Variants in DPP6 observed in about 807,000 individuals in gnomAD.
DPP6 encodes the protein A-type potassium channel modulatory protein DPP6.
In DPP6, 69 loss-of-function variants were observed where a neutral mutation model predicts 122.6. The ratio of observed to expected loss-of-function variants is 0.56; its 90% confidence interval spans 0.46 to 0.69. The LOEUF (loss-of-function observed/expected upper bound fraction) is 0.69, where lower values mean the gene tolerates loss of function less well. DPP6 is among the 30% of genes least tolerant of loss of function. DPP6 has a pLI of 0.00. For missense variants in DPP6, 928 were observed against 1,116.9 expected (o/e 0.83, Z 2.41); for synonymous variants, 418 against 433.1 (o/e 0.97, Z 0.43).
chr7:154,065,686 A>G (rs1802661478), intron 1 of DPP6, among the ~76,000 whole-genome samples: 1 of 152,018 alleles, frequency 6.6e-6, no homozygotes, highest in Non-Finnish European at 1.5e-5. Flanking sequence ...AATGGTATAA[A>G]TACACCTGCC....
chr7:153,937,044 C>T (rs1274826758), intron 1 of DPP6, among the ~76,000 whole-genome samples: 2 of 152,078 alleles, frequency 1.3e-5, no homozygotes, highest in Non-Finnish European at 2.9e-5. Flanking sequence ...CAGGTGTGGT[C>T]GCTGGTGGAC....
the DPP6 span, among the ~76,000 whole-genome samples, chr7:153,803,575 G>C: frequency 5.9e-5 from 9 of 151,740 alleles, no homozygotes; most frequent in African/African-American, 1.7e-4. Flanking sequence ...TATATCACTG[G>C]CTTTCCTGCC....
intron 16 of DPP6, among the ~76,000 whole-genome samples, chr7:154,807,604 C>G (rs995769813): frequency 6.6e-6 from 1 of 152,152 alleles, no homozygotes; most frequent in African/African-American, 2.4e-5. Flanking sequence ...GCAGATTCAC[C>G]TGAGGTCAGG....
In DPP6 at chr7:154,421,063, C is replaced by G. The variant is rs148287115; in HGVS notation, c.244-25151C>G. Reference sequence around the variant, plus strand: ...CTCTGGAACTAAGCATACCAGGATTCGAAGTCTGAGTCTCCCAATTACTAA... The same window carrying G: ...CTCTGGAACTAAGCATACCAGGATTGGAAGTCTGAGTCTCCCAATTACTAA... On this transcript the variant is annotated intron_variant, in intron 1 of 25. Transcript: ENST00000377770. Among the ~76,000 whole-genome samples the G allele has an allele frequency of 3.3e-3, 505 of 152,286 alleles. 12 individuals carry two copies. The highest frequency in any genetic ancestry group is 0.025 in the Admixed American group (388 of 15,304).
chr7:154,379,227 A>G (rs938475763), intron 1 of DPP6, among the ~76,000 whole-genome samples: 2 of 152,170 alleles, frequency 1.3e-5, no homozygotes, highest in African/African-American at 2.4e-5. Flanking sequence ...CTAGAGTTCT[A>G]TTGCAGAACT....
chr7:154,758,305 G>A (rs1049938567), intron 8 of DPP6, among the ~76,000 whole-genome samples: 3 of 152,102 alleles, frequency 2.0e-5, no homozygotes, highest in Non-Finnish European at 4.4e-5. Flanking sequence ...CTGGTTCTGT[G>A]TAGGACCACA....
At chr7:154,852,765 T>C (rs1156423580) in intron 16 of DPP6, among the ~76,000 whole-genome samples, 1 of 152,116 alleles carries the variant, frequency 6.6e-6, no homozygotes, top group East Asian at 1.9e-4. Context: ...CCCAATAGCG[T>C]AGTGTGTGGT....
intron 1 of DPP6, among the ~76,000 whole-genome samples, chr7:154,364,554 G>C (rs1227331297): frequency 6.6e-6 from 1 of 152,190 alleles, no homozygotes; most frequent in African/African-American, 2.4e-5. Context: ...GCGGTGGGGT[G>C]GGGGGTTGCA....
intron 1 of DPP6, among the ~76,000 whole-genome samples, chr7:154,223,380 C>A (rs1384883841): frequency 1.3e-5 from 2 of 149,198 alleles, no homozygotes; most frequent in Non-Finnish European, 2.9e-5. Context: ...TGATGATGGG[C>A]AAATATAGAA....
At chr7:153,787,087 G>A in the DPP6 span, among the ~76,000 whole-genome samples, 2 of 143,652 alleles carry the variant, frequency 1.4e-5, no homozygotes, top group Non-Finnish European at 3.1e-5. Context: ...AAGTAGCTGG[G>A]ACTACAGGTG....
chr7:153,827,757 C>T, the DPP6 span, among the ~76,000 whole-genome samples: 5 of 152,120 alleles, frequency 3.3e-5, no homozygotes, highest in African/African-American at 1.2e-4. Flanking sequence ...CAAACTCCCA[C>T]CAGGATGGCA....
chr7:153,864,669 TAATACACACAC>T, the DPP6 span, among the ~76,000 whole-genome samples: 1 of 96,152 alleles, frequency 1.0e-5, no homozygotes, highest in Non-Finnish European at 2.1e-5. Flanking sequence ...AAAATAATAA[TAATACACACAC>T]ACACACACAC....
At chr7:154,535,580 T>C (rs1351148555) in intron 3 of DPP6, among the ~76,000 whole-genome samples, 1 of 151,170 alleles carries the variant, frequency 6.6e-6, no homozygotes, top group Admixed American at 6.6e-5. Context: ...AAAAAATTAA[T>C]TGGGAAAAGA....
At chr7:154,305,403 A>G (rs1806241690) in intron 1 of DPP6, 4 of 1,275,102 alleles carry the variant, frequency 3.1e-6, no homozygotes, top group Middle Eastern at 2.0e-4. Flanking sequence ...CTAAAATCAC[A>G]CTCCTCCTTA....
At chr7:154,682,475 G>A (rs1049171523) in intron 7 of DPP6, among the ~76,000 whole-genome samples, 4 of 152,210 alleles carry the variant, frequency 2.6e-5, no homozygotes, top group Non-Finnish European at 5.9e-5. Flanking sequence ...CGCACTCTCC[G>A]GTTTGAAATT....
At chr7:154,020,560 A>G (rs1798649898) in intron 1 of DPP6, among the ~76,000 whole-genome samples, 1 of 152,142 alleles carries the variant, frequency 6.6e-6, no homozygotes, top group Non-Finnish European at 1.5e-5. Context: ...TGTCATTCCC[A>G]TGCCATTCAT....
At chr7:153,893,243 C>T (rs1028876625) in intron 1 of DPP6, among the ~76,000 whole-genome samples, 12 of 152,200 alleles carry the variant, frequency 7.9e-5, no homozygotes, top group Non-Finnish European at 8.8e-5. Flanking sequence ...ATTGGCTCTT[C>T]CCTGTTGCAC....
intron 1 of DPP6, among the ~76,000 whole-genome samples, chr7:154,062,106 C>A (rs74885052): frequency 1.4e-5 from 1 of 71,282 alleles, no homozygotes; most frequent in East Asian, 4.3e-4. Flanking sequence ...AGAGGGGGGA[C>A]GCACCCCCCG....
the DPP6 span, among the ~76,000 whole-genome samples, chr7:153,791,625 G>A: frequency 6.6e-6 from 1 of 151,886 alleles, no homozygotes; most frequent in Non-Finnish European, 1.5e-5. Flanking sequence ...TCACCATGTT[G>A]GTCAGACTGG....
Sources: allele counts gnomAD v4.1 joint callset (sites outside exome capture counted in the v4.1 genomes callset), GRCh38; gene constraint gnomAD v4.1.1; transcripts MANE v1.5; gene names NCBI Gene and HGNC (gene_info 2026-07-23, HGNC 2026-07-21).